UBE2D4: variants seen among roughly 807,000 people sequenced by gnomAD.
UBE2D4 encodes the protein ubiquitin-conjugating enzyme E2 D4.
A neutral mutation model predicts 23.0 loss-of-function variants in UBE2D4; 17 were observed. The observed-to-expected ratio is 0.74, with a 90% CI of 0.51 to 1.11. UBE2D4 has a LOEUF of 1.11. Among genes scored for constraint, UBE2D4 ranks in the 50% least tolerant of loss-of-function variants. UBE2D4 has a pLI of 0.00. For synonymous variants in UBE2D4, 61 were observed against 69.4 expected (o/e 0.88, Z 0.60); for missense variants, 139 against 181.8 (o/e 0.76, Z 1.35).
At chr7:43,937,003 G>C (rs560146682) in intron 1 of UBE2D4, among the ~76,000 whole-genome samples, 1 of 152,200 alleles carries the variant, frequency 6.6e-6, no homozygotes, top group Admixed American at 6.5e-5. Context: ...GAAACTCCTG[G>C]GTGCTGGTTG....
rs536344595 is a variant in UBE2D4, at chr7:43,953,190, G to A, written c.*495G>A. On this transcript the variant is annotated 3_prime_UTR_variant, in exon 7 of 7. Transcript: ENST00000222402. ...CAGAACCACATCCTGAGGAGTCTCA[G>A]CTTATCCTGGAGGGAATTGGGAACA... is the stretch of plus-strand genomic sequence containing the variant. 1 of 456,730 alleles carries A rather than the reference G, an allele frequency of 2.2e-6. No individual in the cohort carries two copies. Among genetic ancestry groups the A allele is most frequent in the East Asian group, 6.9e-5 (1 of 14,396 alleles). The allele number at this position is 456,730 out of a possible 1,614,324, so 28.3% of individuals were successfully genotyped here.
chr7:43,934,499 A>G (rs1307850781), intron 1 of UBE2D4, among the ~76,000 whole-genome samples: 3 of 151,164 alleles, frequency 2.0e-5, no homozygotes, highest in African/African-American at 7.3e-5. Flanking sequence ...CAAGAAACAC[A>G]CAAAGCTATG....
At chr7:43,948,084 G>A (rs1337204403) in intron 4 of UBE2D4, among the ~76,000 whole-genome samples, 1 of 152,120 alleles carries the variant, frequency 6.6e-6, no homozygotes, top group Non-Finnish European at 1.5e-5. Context: ...TGTAGATTCT[G>A]GATATTAGCC....
intron 1 of UBE2D4, among the ~76,000 whole-genome samples, chr7:43,937,177 C>T (rs1179279198): frequency 3.3e-5 from 5 of 152,232 alleles, no homozygotes; most frequent in African/African-American, 1.2e-4. Flanking sequence ...TTGGTCTGTA[C>T]TGCTGGCTTT....
intron 1 of UBE2D4, among the ~76,000 whole-genome samples, chr7:43,937,867 C>CAA (rs10664201): frequency 0.67 from 101,764 of 151,794 alleles, 34,010 homozygotes; most frequent in South Asian, 0.74. Context: ...GCTCACGTGC[C>CAA]AGTCTCCACA....
chr7:43,934,627 G>A (rs2095954416), intron 1 of UBE2D4, among the ~76,000 whole-genome samples: 1 of 142,502 alleles, frequency 7.0e-6, no homozygotes, highest in Admixed American at 7.2e-5. Flanking sequence ...CACCTCCCGG[G>A]CTAAAGCAAT....
chr7:43,939,030 G>A (rs891606229), intron 2 of UBE2D4, among the ~76,000 whole-genome samples: 8 of 152,204 alleles, frequency 5.3e-5, no homozygotes, highest in African/African-American at 1.4e-4. Flanking sequence ...CATAGTCACC[G>A]CTTCCCTCTT....
Position 43,935,101 on chromosome 7 carries a change from T to C in UBE2D4, c.25-3330T>C, listed in dbSNP as rs75344880. On this transcript the variant is annotated intron_variant, in intron 1 of 6. Coordinates refer to ENST00000222402, the MANE Select transcript of UBE2D4 (RefSeq NM_015983.4). ...ACTTCCAACTACGTAACAGGACCCT[T>C]TGTCTGTATTATACATTTTATATGT... 8.3e-3 allele frequency among the ~76,000 whole-genome samples: 1,268 copies of C among 152,342 alleles called. 27 individuals are homozygous for C. The highest frequency in any genetic ancestry group is 0.029 in the African/African-American group (1,216 of 41,576).
chr7:43,935,583 G>T (rs1313802465), intron 1 of UBE2D4, among the ~76,000 whole-genome samples: 1 of 152,092 alleles, frequency 6.6e-6, no homozygotes, highest in African/African-American at 2.4e-5. Context: ...TCAGAAGAAG[G>T]GATATAAAAT....
intron 1 of UBE2D4, among the ~76,000 whole-genome samples, chr7:43,927,580 C>T (rs1290402230): frequency 3.7e-4 from 56 of 152,248 alleles, no homozygotes; most frequent in Non-Finnish European, 1.2e-4. Context: ...GGCGGGATTA[C>T]AACGTGAGAC....
chr7:43,951,535 T>C (rs1042494009), intron 6 of UBE2D4, among the ~76,000 whole-genome samples: 3 of 150,176 alleles, frequency 2.0e-5, no homozygotes, highest in Non-Finnish European at 4.5e-5. Flanking sequence ...AGTATGTTTT[T>C]CCCTTTTTTT....
chr7:43,945,775 CCTTT>C (rs1162972713), intron 4 of UBE2D4, among the ~76,000 whole-genome samples: 2 of 139,686 alleles, frequency 1.4e-5, no homozygotes, highest in East Asian at 2.0e-4. Context: ...AGGCAAAATC[CCTTT>C]TTTTTTTTTT....
At chr7:43,928,269 C>T (rs2095937515) in intron 1 of UBE2D4, among the ~76,000 whole-genome samples, 1 of 152,138 alleles carries the variant, frequency 6.6e-6, no homozygotes, top group African/African-American at 2.4e-5. Context: ...GGCCCCACCT[C>T]CAACACTGGC....
At chr7:43,951,412 A>T (rs1482761581) in intron 6 of UBE2D4, among the ~76,000 whole-genome samples, 1 of 152,184 alleles carries the variant, frequency 6.6e-6, no homozygotes. Flanking sequence ...TGTGAATCTC[A>T]GTTGTGGACC....
chr7:43,938,064 T>C lies in UBE2D4; in HGVS notation c.25-367T>C, dbSNP rs555173013. ...TCTCTCCTGGGCTGCTTTTCTTCCA[T>C]ATCTTCAGCACCTGGGGGCCTGGGG... is the stretch of plus-strand genomic sequence containing the variant. On this transcript the variant is annotated intron_variant, in intron 1 of 6. Coordinates refer to ENST00000222402, the MANE Select transcript of UBE2D4 (RefSeq NM_015983.4). Among the ~76,000 whole-genome samples, 195 of 152,192 alleles carry C rather than the reference T, an allele frequency of 1.3e-3. 1 individual carries two copies. The highest frequency in any genetic ancestry group is 4.5e-3 in the African/African-American group (186 of 41,530).
intron 2 of UBE2D4, chr7:43,940,789 C>A (rs920628103): frequency 2.6e-5 from 4 of 152,188 alleles, no homozygotes; most frequent in Non-Finnish European, 5.9e-5. Context: ...ATTATCAAAA[C>A]ACTTTTATTT....
intron 6 of UBE2D4, chr7:43,952,439 C>G (rs1717590571): frequency 1.9e-6 from 1 of 532,928 alleles, no homozygotes; most frequent in South Asian, 2.2e-5. Flanking sequence ...TTGGGGTTTA[C>G]ACATGAGGGG....
rs62458688 is a variant in UBE2D4, at chr7:43,933,903, G to C, written c.25-4528G>C. Among the ~76,000 whole-genome samples, 503 of 152,272 alleles carry C rather than the reference G, an allele frequency of 3.3e-3. 1 individual carries two copies. Among genetic ancestry groups the C allele is most frequent in the Non-Finnish European group, 5.3e-3 (361 of 68,028 alleles). ...TACCTTCACTTAGATGTCACTATCT[G>C]TATGAGTAAACCATCATGGCAGTTC... On this transcript the variant is annotated intron_variant, in intron 1 of 6. Coordinates refer to ENST00000222402, the MANE Select transcript of UBE2D4 (RefSeq NM_015983.4).
intron 1 of UBE2D4, among the ~76,000 whole-genome samples, chr7:43,927,350 T>TCGCCCAGGCTGGAGTAC (rs1422855124): frequency 2.0e-5 from 3 of 149,514 alleles, no homozygotes; most frequent in African/African-American, 7.4e-5. Flanking sequence ...GGCTGGAGTA[T>TCGCCCAGGCTGGAGTAC]CGCCCAGGCT....
Sources: allele counts gnomAD v4.1 joint callset (sites outside exome capture counted in the v4.1 genomes callset), GRCh38; gene constraint gnomAD v4.1.1; transcripts MANE v1.5; gene names NCBI Gene and HGNC (gene_info 2026-07-23, HGNC 2026-07-21).